Variants in HEATR6 observed in about 807,000 individuals in gnomAD.
The protein encoded by HEATR6 is HEAT repeat-containing protein 6.
In HEATR6, 106 loss-of-function variants were observed where a neutral mutation model predicts 132.8. The ratio of observed to expected loss-of-function variants is 0.80; its 90% CI spans 0.68 to 0.94. The LOEUF (loss-of-function observed/expected upper bound fraction) is 0.94, where lower values mean the gene tolerates loss of function less well. Ranked by LOEUF, HEATR6 falls within the 40% of genes least tolerant of loss-of-function variation. HEATR6 has a pLI of 0.00. For missense variants in HEATR6, 1,339 were observed against 1,425.1 expected, an observed-to-expected ratio of 0.94 and a Z score of 0.97; for synonymous variants, 529 against 537.8, an observed-to-expected ratio of 0.98 and a Z score of 0.23.
At chr17:60,052,882 C>T (rs1906631486) in intron 14 of HEATR6, among the ~76,000 whole-genome samples, 1 of 152,106 alleles carries the variant, frequency 6.6e-6, no homozygotes, top group Non-Finnish European at 1.5e-5. Flanking sequence ...ACGGAATTAC[C>T]TCCTATGTGT....
At position 60,059,986 on chromosome 17, in the gene HEATR6, G is replaced by A. The variant is rs61752323; in HGVS notation, c.1527C>T (p.Ser509=). Residue 509 remains serine (S), a synonymous_variant, in exon 10 of 20, where the codon TCC becomes TCT. Coordinates refer to ENST00000184956, the MANE Select transcript of HEATR6 (RefSeq NM_022070.5). ...SDHRRAFTPF[S]VMIACSIREL... Reference sequence around the variant, plus strand: ...CTCTAATGCTGCAAGCGATCATTACGGAGAAGGGGGTAAAAGCCCTTCTGT... The same window carrying A: ...CTCTAATGCTGCAAGCGATCATTACAGAGAAGGGGGTAAAAGCCCTTCTGT... 1.7e-5 allele frequency: 27 copies of A among 1,613,742 alleles called. No homozygotes were observed. The highest frequency in any genetic ancestry group is 2.2e-5 in the Non-Finnish European group (26 of 1,179,736).
At chr17:60,070,887 G>C (rs1296843440) in intron 5 of HEATR6, 80 bp from the exon 6 acceptor site, 1 of 775,630 alleles carries the variant, frequency 1.3e-6, no homozygotes. Context: ...CACCACTTAG[G>C]ATGGAAGAGA....
rs1013421030 is a variant in HEATR6, at chr17:60,048,441, T to C, written c.2548-53A>G. 68 of 1,498,852 alleles carry C rather than the reference T, an allele frequency of 4.5e-5. No individual in the cohort carries two copies. In the Middle Eastern group the frequency reaches 7.0e-4, roughly 15 times the overall value. 92.8% of individuals were successfully genotyped at this position (1,498,852 alleles called of 1,614,324 possible). A position where few individuals can be genotyped will look rare whatever the true frequency, so the allele number is the denominator to read the frequency against. On this transcript the variant is annotated intron_variant, in intron 16 of 19. Coordinates refer to ENST00000184956, the MANE Select transcript of HEATR6 (RefSeq NM_022070.5). ...TACTTTAGCAGGTCATGCTGCTACC[T>C]TTGAAATTCTCACTTATTTTCAGAT...
chr17:60,057,458 G>T, intron 11 of HEATR6, 55 bp from the exon 12 acceptor site: 1 of 1,160,116 alleles, frequency 8.6e-7, no homozygotes. Context: ...CTGTAAAGAT[G>T]GTAGTTATCC....
intron 7 of HEATR6, among the ~76,000 whole-genome samples, chr17:60,069,139 T>C (rs1175005581): frequency 6.6e-6 from 1 of 152,222 alleles, no homozygotes; most frequent in Non-Finnish European, 1.5e-5. Context: ...TGGCAGCTTC[T>C]GGAAAGGCTG....
rs1354727620 is a variant in HEATR6, at chr17:60,073,278, T to A, written c.470A>T (p.Tyr157Phe). 6.3e-7 allele frequency: 1 copy of A among 1,583,326 alleles called. No homozygotes were observed. Among genetic ancestry groups the A allele is most frequent in the East Asian group, 2.2e-5 (1 of 44,736 alleles). ...VYCNGSKCQK[Y>F]LPELLGNTGL... ...GGTGTTGCCTAGCAGCTCTGGGAGG[T>A]ACTAAGAAAAATAAGAGTCAATGTA... The change falls in exon 4 of 20, where the codon TAC becomes TTC. Residue 157 changes from tyrosine (Y) to phenylalanine (F), a missense_variant and splice_region_variant. Tyr to Phe is a conservative substitution (Grantham distance 22, BLOSUM62 3). Transcript: ENST00000184956.
At position 60,049,651 on chromosome 17, in the gene HEATR6, T is replaced by G; in HGVS notation, c.2476A>C (p.Lys826Gln). Reference sequence around the variant, plus strand: ...GTTGCAGCTTTCACTAAGCGATTCTTGCTGTCATTCAGCCCGAGCAGCACT... The same window carrying G: ...GTTGCAGCTTTCACTAAGCGATTCTGGCTGTCATTCAGCCCGAGCAGCACT... ...ITVLLGLNDSKNRLVKAATSR... is the reference protein window; with the variant it reads ...ITVLLGLNDSQNRLVKAATSR... Residue 826 changes from lysine (K) to glutamine (Q), a missense_variant, in exon 16 of 20, where the codon AAG becomes CAG. Physicochemically the swap from Lys to Gln is moderately conservative, Grantham distance 53. Transcript: ENST00000184956. 1 of 1,613,878 alleles carries G rather than the reference T, an allele frequency of 6.2e-7. No homozygotes were observed. The highest frequency in any genetic ancestry group is 8.5e-7 in the Non-Finnish European group (1 of 1,179,790).
At chr17:60,046,807 C>T (rs1486580888) in intron 18 of HEATR6, among the ~76,000 whole-genome samples, 1 of 152,134 alleles carries the variant, frequency 6.6e-6, no homozygotes, top group Non-Finnish European at 1.5e-5. Context: ...AAGGCATCTT[C>T]ATATCCAGTG....
In HEATR6 at chr17:60,045,299, C is replaced by G. The variant is rs546951606; in HGVS notation, c.2974+726G>C. 3.3e-5 allele frequency among the ~76,000 whole-genome samples: 5 copies of G among 152,324 alleles called. No individual in the cohort carries two copies. The South Asian group carries it at 1.0e-3, about 32-fold the overall frequency. On this transcript the variant is annotated intron_variant, in intron 19 of 19. Coordinates refer to ENST00000184956, the MANE Select transcript of HEATR6 (RefSeq NM_022070.5). Reference sequence around the variant, plus strand: ...CAATAAAGGGGAGCAGAGCCAGACTCCCCTCACTTGATGTGTGCTCTCCTC... The same window carrying G: ...CAATAAAGGGGAGCAGAGCCAGACTGCCCTCACTTGATGTGTGCTCTCCTC...
At chr17:60,045,599 C>T (rs552121560) in intron 19 of HEATR6, among the ~76,000 whole-genome samples, 1 of 152,180 alleles carries the variant, frequency 6.6e-6, no homozygotes, top group East Asian at 1.9e-4. Context: ...GTTTTCTTGA[C>T]CATTAAAGTA....
At chr17:60,051,752 C>T (rs1906582178) in intron 14 of HEATR6, among the ~76,000 whole-genome samples, 1 of 152,166 alleles carries the variant, frequency 6.6e-6, no homozygotes. Context: ...TGGACCTAGT[C>T]CTGGGTTTTG....
At chr17:60,070,659 A>G in intron 6 of HEATR6, 47 bp downstream of exon 6, 1 of 1,101,476 alleles carries the variant, frequency 9.1e-7, no homozygotes. Flanking sequence ...TCCTTGTACC[A>G]TGGGTTGAAA....
chr17:60,078,603 AGT>A, intron 1 of HEATR6, 91 bp downstream of exon 1: 1 of 944,424 alleles, frequency 1.1e-6, no homozygotes, highest in Non-Finnish European at 1.6e-6. Context: ...CAGGCGCGAG[AGT>A]GGGAAGATCA....
intron 7 of HEATR6, among the ~76,000 whole-genome samples, chr17:60,068,061 G>A (rs1008864653): frequency 6.6e-6 from 1 of 152,114 alleles, no homozygotes; most frequent in African/African-American, 2.4e-5. Flanking sequence ...GTAAGTATGC[G>A]GCTAATACCT....
At chr17:60,072,442 G>T in intron 4 of HEATR6, 113 bp from the exon 5 acceptor site, 1 of 512,748 alleles carries the variant, frequency 2.0e-6, no homozygotes, top group Admixed American at 3.5e-5. Context: ...ATATACCCTT[G>T]AGTGCAACTA....
In HEATR6 at chr17:60,056,247, G is replaced by A; in HGVS notation, c.2080-10C>T. The A allele has an allele frequency of 6.2e-7, 1 of 1,612,394 alleles. No homozygotes were observed. The highest frequency in any genetic ancestry group is 1.3e-5 in the African/African-American group (1 of 74,968). On this transcript the variant is annotated splice_polypyrimidine_tract_variant and intron_variant, in intron 12 of 19. Coordinates refer to ENST00000184956, the MANE Select transcript of HEATR6 (RefSeq NM_022070.5). ...CCAGAAGAGTCAATACCTGCAAAGA[G>A]AGCATGGAATTAACCCTCTAAGACC...
intron 12 of HEATR6, 86 bp from the exon 13 acceptor site, chr17:60,056,323 GCTTACATTTA>G: frequency 7.5e-7 from 1 of 1,332,458 alleles, no homozygotes; most frequent in South Asian, 1.5e-5. Flanking sequence ...TTCAGAAATC[GCTTACATTTA>G]ACAGGGGCTG....
chr17:60,043,988 G>A lies in HEATR6; in HGVS notation c.3121C>T (p.Arg1041Trp), dbSNP rs1295461005. 4.3e-6 allele frequency: 7 copies of A among 1,613,900 alleles called. No homozygotes were observed. The highest frequency in any genetic ancestry group is 3.3e-5 in the South Asian group (3 of 91,070). Residue 1041 changes from arginine to tryptophan, a missense_variant, in exon 20 of 20, where the codon CGG becomes TGG. Physicochemically the swap from Arg to Trp is moderately radical, Grantham distance 101. Coordinates refer to ENST00000184956, the MANE Select transcript of HEATR6 (RefSeq NM_022070.5). ...EQYGSVDQYARIWNALVTALQ... is the reference protein window; with the variant it reads ...EQYGSVDQYAWIWNALVTALQ... ...GCGGTGACCAATGCATTCCAGATCC[G>A]AGCATACTGGTCAACAGACCCGTAC...
intron 19 of HEATR6, 53 bp from the exon 20 acceptor site, chr17:60,044,187 G>A: frequency 7.2e-7 from 1 of 1,396,086 alleles, no homozygotes; most frequent in Non-Finnish European, 9.9e-7. Flanking sequence ...ACTAGGTGGG[G>A]TGAGAGGGAG....
Sources: gnomAD v4.1 joint callset for allele counts (sites outside exome capture counted in the v4.1 genomes callset) on GRCh38, gnomAD v4.1.1 for gene constraint, MANE v1.5 for transcripts, NCBI Gene and HGNC (gene_info 2026-07-23, HGNC 2026-07-21) for gene names.